Variants in UBR3 observed in about 807,000 individuals in gnomAD.
UBR3 encodes the protein ubiquitin protein ligase E3 component n-recognin 3.
UBR3 carries 85 observed loss-of-function variants against 243.2 expected under a neutral mutation model. That is an observed-to-expected ratio of 0.35 (90% CI 0.29 to 0.42). The LOEUF (loss-of-function observed/expected upper bound fraction) is 0.42, where lower values mean the gene tolerates loss of function less well. UBR3 is among the 10% of genes least tolerant of loss of function. UBR3 has a pLI of 1.00. For synonymous variants in UBR3, 748 were observed against 799.8 expected, an observed-to-expected ratio of 0.94 and a Z score of 1.09; for missense variants, 1,686 against 2,300.8, an observed-to-expected ratio of 0.73 and a Z score of 5.47.
intron 32 of UBR3, among the ~76,000 whole-genome samples, chr2:170,041,231 G>A (rs2090961118): frequency 6.6e-6 from 1 of 152,184 alleles, no homozygotes; most frequent in African/African-American, 2.4e-5. Context: ...GATACTTTTT[G>A]TGGTAATAAC....
At chr2:169,950,617 TGAA>T (rs2086979139) in intron 23 of UBR3, among the ~76,000 whole-genome samples, 1 of 147,380 alleles carries the variant, frequency 6.8e-6, no homozygotes, top group African/African-American at 2.5e-5. Flanking sequence ...TTGACTTTCT[TGAA>T]AAAAAAATGG....
intron 1 of UBR3, among the ~76,000 whole-genome samples, chr2:169,866,020 G>A (rs1263642268): frequency 2.6e-5 from 4 of 151,774 alleles, no homozygotes; most frequent in Admixed American, 1.3e-4. Flanking sequence ...GCATGGTGGT[G>A]CGTGCCTGTA....
intron 32 of UBR3, among the ~76,000 whole-genome samples, chr2:170,041,522 A>G (rs959694949): frequency 1.3e-5 from 2 of 152,218 alleles, no homozygotes; most frequent in Non-Finnish European, 2.9e-5. Context: ...TCATCATTTT[A>G]AGTTAGTGTT....
chr2:169,988,724 C>T (rs1010139845), intron 25 of UBR3, among the ~76,000 whole-genome samples: 2 of 152,016 alleles, frequency 1.3e-5, no homozygotes, highest in Non-Finnish European at 2.9e-5. Flanking sequence ...ATTGCCTGAG[C>T]CCAAGAGGTC....
At chr2:169,919,728 A>G (rs889651021) in intron 11 of UBR3, among the ~76,000 whole-genome samples, 1 of 152,242 alleles carries the variant, frequency 6.6e-6, no homozygotes, top group Non-Finnish European at 1.5e-5. Context: ...ATCACTGGCC[A>G]TCAGAGAAAT....
chr2:170,024,684 T>A (rs2090483223), intron 30 of UBR3, among the ~76,000 whole-genome samples: 1 of 152,182 alleles, frequency 6.6e-6, no homozygotes. Context: ...TAAACCTTAC[T>A]TTTTGGTTCT....
chr2:170,011,692 G>A (rs1312364674), intron 29 of UBR3, among the ~76,000 whole-genome samples: 1 of 149,272 alleles, frequency 6.7e-6, no homozygotes, highest in East Asian at 2.0e-4. Flanking sequence ...GCATGGTGAA[G>A]CCTTGGAGAA....
chr2:170,066,899 G>T (rs1170953841), intron 35 of UBR3, among the ~76,000 whole-genome samples: 1 of 151,754 alleles, frequency 6.6e-6, no homozygotes, highest in African/African-American at 2.4e-5. Flanking sequence ...AGGAGGCAGA[G>T]CTTGCAGTGA....
chr2:170,021,000 TAAG>T (rs1403470828), intron 30 of UBR3, among the ~76,000 whole-genome samples: 2 of 152,072 alleles, frequency 1.3e-5, no homozygotes, highest in African/African-American at 2.4e-5. Flanking sequence ...CTTTCAGAGA[TAAG>T]GAGTACTGTT....
intron 19 of UBR3, among the ~76,000 whole-genome samples, chr2:169,941,948 C>G (rs1175919260): frequency 6.6e-6 from 1 of 152,188 alleles, no homozygotes; most frequent in Admixed American, 6.5e-5. Context: ...TCAGTTCTAT[C>G]TCTGAGCCTT....
Position 170,008,956 on chromosome 2 carries a change from G to C in UBR3, c.4367+16G>C. ...CTGTTGCTAGGTAGGTATATATAGT[G>C]TATACTTTTTAGTTTACTTACTATT... On this transcript the variant is annotated intron_variant, in intron 29 of 38. Transcript: ENST00000272793. 6.7e-7 allele frequency: 1 copy of C among 1,481,488 alleles called. No homozygotes were observed. Among genetic ancestry groups the C allele is most frequent in the Non-Finnish European group, 9.0e-7 (1 of 1,115,294 alleles). 91.8% of individuals were successfully genotyped at this position (1,481,488 alleles called of 1,614,324 possible).
chr2:169,889,857 C>T (rs1235382820), intron 5 of UBR3, among the ~76,000 whole-genome samples: 1 of 152,212 alleles, frequency 6.6e-6, no homozygotes, highest in Non-Finnish European at 1.5e-5. Flanking sequence ...GCTGAGGCTA[C>T]TTTTCTGCTT....
At position 169,925,687 on chromosome 2, in the gene UBR3, G is replaced by A; in HGVS notation, c.2091G>A (p.Met697Ile). The A allele has an allele frequency of 1.3e-6, 2 of 1,551,200 alleles. No individual in the cohort carries two copies. ...GTCTGCAAATCAAAGGACAAGCCAT[G>A]ACGTATGTCCAGTCTCATTTCTGTA... is the stretch of plus-strand genomic sequence containing the variant. ...RNGLQIKGQA[M>I]TYVQSHFCNS... The change falls in exon 14 of 39, where the codon ATG becomes ATA. Residue 697 changes from methionine (M) to isoleucine (I), a missense_variant. By Grantham distance (10) the Met-to-Ile change is conservative. This residue lies in a region of UBR3 where 346 missense variants were observed against 585.8 expected (regional missense o/e 0.59). Coordinates refer to ENST00000272793, the MANE Select transcript of UBR3 (RefSeq NM_172070.4).
chr2:170,043,773 A>G (rs1309122798), intron 32 of UBR3, among the ~76,000 whole-genome samples: 1 of 152,200 alleles, frequency 6.6e-6, no homozygotes, highest in African/African-American at 2.4e-5. Context: ...CAGTCATTAA[A>G]TTTACCTGTA....
At chr2:169,847,553 GTTA>G (rs1434768488) in intron 1 of UBR3, among the ~76,000 whole-genome samples, 2 of 152,082 alleles carry the variant, frequency 1.3e-5, no homozygotes, top group African/African-American at 4.8e-5. Context: ...TGAATATAAT[GTTA>G]TTTTTATTTA....
chr2:170,079,907 A>C lies in UBR3; in HGVS notation c.5293A>C (p.Thr1765Pro). Residue 1765 changes from threonine to proline, a missense_variant, in exon 37 of 39, where the codon ACC becomes CCC. Coordinates refer to ENST00000272793, the MANE Select transcript of UBR3 (RefSeq NM_172070.4). ...NTIFQYYHRK[T>P]CSVCTKVPKD... The stretch of plus-strand genomic sequence containing the variant: ...CATTTTTCAGTACTACCACAGAAAA[A>C]CCTGTAGTGTCTGCACCAAGGTTCC... The C allele has an allele frequency of 6.2e-7, 1 of 1,613,968 alleles. No individual in the cohort carries two copies. Among genetic ancestry groups the C allele is most frequent in the Non-Finnish European group, 8.5e-7 (1 of 1,179,948 alleles).
At chr2:170,062,157 A>G (rs2091470057) in intron 35 of UBR3, among the ~76,000 whole-genome samples, 1 of 152,208 alleles carries the variant, frequency 6.6e-6, no homozygotes, top group African/African-American at 2.4e-5. Flanking sequence ...TTGTATTAAA[A>G]TGGGTGAATG....
Position 169,872,364 on chromosome 2 carries a change from A to G in UBR3, c.674A>G (p.Tyr225Cys), listed in dbSNP as rs1454972853. 4.8e-6 allele frequency: 7 copies of G among 1,471,540 alleles called. No individual in the cohort carries two copies. Among genetic ancestry groups the G allele is most frequent in the East Asian group, 2.6e-5 (1 of 39,210 alleles). The allele number at this position is 1,471,540 out of a possible 1,614,324, so 91.2% of individuals were successfully genotyped here. The change falls in exon 2 of 39, where the codon TAT becomes TGT. Residue 225 changes from tyrosine (Y) to cysteine (C), a missense_variant. Physicochemically the swap from Tyr to Cys is radical, Grantham distance 194. Transcript: ENST00000272793. ...FCLIQYLREG[Y>C]NEPAADGPSE... is the part of the protein sequence containing the mutation. Reference sequence around the variant, plus strand: ...CTTATTCAGTACTTAAGAGAAGGCTATAATGAACCAGGTATGTTTTAATCT... The same window carrying G: ...CTTATTCAGTACTTAAGAGAAGGCTGTAATGAACCAGGTATGTTTTAATCT...
intron 4 of UBR3, 141 bp from the exon 5 acceptor site, chr2:169,878,384 C>T: frequency 1.5e-6 from 1 of 672,808 alleles, no homozygotes; most frequent in Non-Finnish European, 2.4e-6. Flanking sequence ...AAAAGTTGGA[C>T]TTTGCCAAGA....
Sources: gnomAD v4.1 joint callset for allele counts (sites outside exome capture counted in the v4.1 genomes callset) on GRCh38, gnomAD v4.1.1 for gene constraint, gnomAD v4.1.1 regional missense constraint, MANE v1.5 for transcripts, NCBI Gene and HGNC (gene_info 2026-07-23, HGNC 2026-07-21) for gene names.